ALDH1A2: variants seen among roughly 807,000 people sequenced by gnomAD.
The protein encoded by ALDH1A2 is aldehyde dehydrogenase 1 family member A2.
ALDH1A2 carries 27 observed loss-of-function variants against 60.3 expected under a neutral mutation model. The observed-to-expected ratio is 0.45, with a 90% CI of 0.33 to 0.62. The LOEUF is 0.62. Among genes scored for constraint, ALDH1A2 ranks in the 20% least tolerant of loss-of-function variants. The probability of loss-of-function intolerance (pLI) is 0.02; values close to 1 mark genes in which losing one functional copy is unlikely to be tolerated. For synonymous variants in ALDH1A2, 289 were observed against 232.4 expected (o/e 1.24, Z -2.21); for missense variants, 581 against 643.8 (o/e 0.90, Z 1.06).
intron 1 of ALDH1A2, among the ~76,000 whole-genome samples, chr15:58,047,644 C>T (rs1258503303): frequency 6.6e-6 from 1 of 151,866 alleles, no homozygotes; most frequent in Non-Finnish European, 1.5e-5. Flanking sequence ...TTAGCCCCAA[C>T]TTTTTTTACT....
intron 1 of ALDH1A2, among the ~76,000 whole-genome samples, chr15:58,044,456 A>T (rs1242875729): frequency 6.6e-6 from 1 of 152,022 alleles, no homozygotes; most frequent in African/African-American, 2.4e-5. Flanking sequence ...TGTTCAGCAC[A>T]AGGAATTCTG....
chr15:57,981,484 T>C (rs1275608653), intron 7 of ALDH1A2, among the ~76,000 whole-genome samples: 2 of 152,332 alleles, frequency 1.3e-5, no homozygotes, highest in African/African-American at 2.4e-5. Flanking sequence ...ATTCACCTAA[T>C]AGTTACTGAA....
intron 7 of ALDH1A2, among the ~76,000 whole-genome samples, chr15:57,988,993 C>A (rs1051997986): frequency 1.4e-5 from 2 of 142,792 alleles, no homozygotes; most frequent in African/African-American, 5.1e-5. Flanking sequence ...ATGGTGAAAC[C>A]CCATCTCTAC....
At chr15:57,959,691 G>A (rs1334180028) in intron 12 of ALDH1A2, among the ~76,000 whole-genome samples, 2 of 152,132 alleles carry the variant, frequency 1.3e-5, no homozygotes, top group Non-Finnish European at 2.9e-5. Flanking sequence ...GGTAACTGAG[G>A]CTTAGATTAA....
At chr15:57,957,781 A>AAACAAGTAAGAGTTTCTGTT (rs1476351799) in intron 12 of ALDH1A2, among the ~76,000 whole-genome samples, 2 of 152,148 alleles carry the variant, frequency 1.3e-5, no homozygotes, top group African/African-American at 4.8e-5. Context: ...CTTGCTCATA[A>AAACAAGTAAGAGTTTCTGTT]AACAAGTAAG....
rs1277371024 is a variant in ALDH1A2 at position 57,954,605 on chromosome 15, T to G, written c.*592A>C. On this transcript the variant is annotated 3_prime_UTR_variant, in exon 13 of 13. Coordinates refer to ENST00000249750, the MANE Select transcript of ALDH1A2 (RefSeq NM_003888.4). Reference sequence around the variant, plus strand: ...ATATCCCAGGTTCTTACTACATCTGTAGTGTACCAGCTCCTGGCATTTTCA... The same window carrying G: ...ATATCCCAGGTTCTTACTACATCTGGAGTGTACCAGCTCCTGGCATTTTCA... 1 of 167,402 alleles carries G rather than the reference T, an allele frequency of 6.0e-6. No homozygotes were observed. The highest frequency in any genetic ancestry group is 1.3e-5 in the Non-Finnish European group (1 of 74,926). 10.4% of individuals were successfully genotyped at this position (167,402 alleles called of 1,614,324 possible).
intron 1 of ALDH1A2, chr15:58,058,032 A>G: frequency 3.3e-6 from 5 of 1,519,036 alleles, no homozygotes; most frequent in Non-Finnish European, 3.5e-6. Context: ...TTTATTGGGG[A>G]TTTTAACCAA....
At chr15:58,055,006 G>C (rs1896861349) in intron 1 of ALDH1A2, among the ~76,000 whole-genome samples, 1 of 152,090 alleles carries the variant, frequency 6.6e-6, no homozygotes, top group Admixed American at 6.6e-5. Flanking sequence ...CTTAGGATCT[G>C]AATGAAATAT....
chr15:57,986,327 C>T (rs138097747), intron 7 of ALDH1A2, among the ~76,000 whole-genome samples: 1 of 152,140 alleles, frequency 6.6e-6, no homozygotes, highest in East Asian at 1.9e-4. Flanking sequence ...TAAGAAAGAT[C>T]TTGTTGAACA....
chr15:57,967,530 A>T (rs1312445661), intron 7 of ALDH1A2, among the ~76,000 whole-genome samples: 1 of 152,120 alleles, frequency 6.6e-6, no homozygotes, highest in Non-Finnish European at 1.5e-5. Flanking sequence ...TCAGAAAAAC[A>T]CCGGGGAAAC....
intron 7 of ALDH1A2, among the ~76,000 whole-genome samples, chr15:57,971,304 A>C (rs1265538207): frequency 6.6e-6 from 1 of 151,938 alleles, no homozygotes; most frequent in African/African-American, 2.4e-5. Flanking sequence ...TTCCTTCCCT[A>C]CCCTCCCTAC....
intron 1 of ALDH1A2, among the ~76,000 whole-genome samples, chr15:58,026,606 T>C (rs557024049): frequency 1.8e-3 from 280 of 152,282 alleles, no homozygotes; most frequent in African/African-American, 6.1e-3. Flanking sequence ...GGGATTTCCC[T>C]TTCCTAGCCA....
chr15:57,978,498 A>T (rs1228843941), intron 7 of ALDH1A2, among the ~76,000 whole-genome samples: 5 of 152,176 alleles, frequency 3.3e-5, no homozygotes, highest in African/African-American at 9.7e-5. Context: ...ATTGATCTGC[A>T]TATGTTGAAC....
At chr15:58,018,597 T>C (rs185778187) in intron 1 of ALDH1A2, among the ~76,000 whole-genome samples, 22 of 152,274 alleles carry the variant, frequency 1.4e-4, no homozygotes, top group African/African-American at 5.1e-4. Context: ...ATAGTAACTT[T>C]ATGTTGGAGA....
At chr15:58,016,832 G>A (rs1270703413) in intron 1 of ALDH1A2, among the ~76,000 whole-genome samples, 1 of 152,110 alleles carries the variant, frequency 6.6e-6, no homozygotes, top group Non-Finnish European at 1.5e-5. Context: ...TTCTAATTGT[G>A]TTGTGTAATA....
intron 7 of ALDH1A2, among the ~76,000 whole-genome samples, chr15:57,973,802 C>A (rs550750706): frequency 3.0e-4 from 45 of 152,172 alleles, no homozygotes; most frequent in Non-Finnish European, 3.8e-4. Flanking sequence ...AGCCTCTCTA[C>A]AGAGAGAGAA....
rs200175584 is a variant in ALDH1A2 at position 58,024,295 on chromosome 15, A to T, written c.118-10014T>A. On this transcript the variant is annotated intron_variant, in intron 1 of 12. Transcript: ENST00000249750. Reference sequence around the variant, plus strand: ...AGATATAATGGCTGAATGGATTTTTAAAAAATGATCCAATTTTATACTGCC... The same window carrying T: ...AGATATAATGGCTGAATGGATTTTTTAAAAATGATCCAATTTTATACTGCC... 5.9e-5 allele frequency among the ~76,000 whole-genome samples: 9 copies of T among 152,306 alleles called. No homozygotes were observed. In the East Asian group the frequency reaches 1.3e-3, roughly 23 times the overall value.
At chr15:58,024,532 T>TA (rs1217426882) in intron 1 of ALDH1A2, among the ~76,000 whole-genome samples, 1 of 152,124 alleles carries the variant, frequency 6.6e-6, no homozygotes, top group Non-Finnish European at 1.5e-5. Context: ...TAAATATATA[T>TA]GTATCAAACA....
rs987281657 is a variant in ALDH1A2 at position 58,009,225 on chromosome 15, C to T, written c.493+1424G>A. Among the ~76,000 whole-genome samples, 4 of 152,002 alleles carry T rather than the reference C, an allele frequency of 2.6e-5. No individual in the cohort carries two copies. The East Asian group carries it at 7.7e-4, about 29-fold the overall frequency. ...ATGAGGCATCACAACAGCCACCTAA[C>T]TTGGTTCTGCTGCATCCTCTCCTTG... is the stretch of plus-strand genomic sequence containing the variant. On this transcript the variant is annotated intron_variant, in intron 4 of 12. Coordinates refer to ENST00000249750, the MANE Select transcript of ALDH1A2 (RefSeq NM_003888.4).
Sources: gnomAD v4.1 joint callset for allele counts (sites outside exome capture counted in the v4.1 genomes callset) on GRCh38, gnomAD v4.1.1 for gene constraint, MANE v1.5 for transcripts, NCBI Gene and HGNC (gene_info 2026-07-23, HGNC 2026-07-21) for gene names.